The following TENM4 variants were observed in gnomAD, a reference collection of about 807,000 sequenced individuals.
TENM4 encodes teneurin-4.
In TENM4, 82 loss-of-function variants were observed where a neutral mutation model predicts 243.3. That is an observed-to-expected ratio of 0.34 (90% CI 0.28 to 0.40). The LOEUF is 0.40. Ranked by LOEUF, TENM4 falls within the 10% of genes least tolerant of loss-of-function variation. The probability of loss-of-function intolerance (pLI) is 1.00; values close to 1 mark genes in which losing one functional copy is unlikely to be tolerated. For synonymous variants in TENM4, 1,412 were observed against 1,456.3 expected, an observed-to-expected ratio of 0.97 and a Z score of 0.69; for missense variants, 3,138 against 3,673.3, an observed-to-expected ratio of 0.85 and a Z score of 3.77.
intron 15 of TENM4, among the ~76,000 whole-genome samples, chr11:78,797,533 A>G (rs182203045): frequency 1.9e-4 from 29 of 152,352 alleles, no homozygotes; most frequent in African/African-American, 6.0e-4. Context: ...GTCAGGGGAA[A>G]TTCTACTAAA....
chr11:79,397,865 T>C (rs1231438077), intron 1 of TENM4, among the ~76,000 whole-genome samples: 1 of 152,102 alleles, frequency 6.6e-6, no homozygotes, highest in Non-Finnish European at 1.5e-5. Context: ...TACTGTCAAA[T>C]AGAGGTTGCA....
intron 12 of TENM4, 31 bp downstream of exon 12, chr11:78,854,073 C>T: frequency 6.5e-7 from 1 of 1,539,344 alleles, no homozygotes; most frequent in Non-Finnish European, 8.8e-7. Context: ...AGACAATATC[C>T]CACAGCCCCC....
At position 79,001,521 on chromosome 11, in the gene TENM4, G is replaced by T. The variant is rs796113982; in HGVS notation, c.493+63217C>A. Among the ~76,000 whole-genome samples, 131 of 152,264 alleles carry T rather than the reference G, an allele frequency of 8.6e-4. 1 individual carries two copies. The highest frequency in any genetic ancestry group is 2.7e-3 in the African/African-American group (112 of 41,558). ...AACACTTGAGCTGTCAAGGAGAGAT[G>T]CTTATAGAGGTTGTAGGAGCAGGGC... On this transcript the variant is annotated intron_variant, in intron 6 of 33. Coordinates refer to ENST00000278550, the MANE Select transcript of TENM4 (RefSeq NM_001098816.3).
intron 6 of TENM4, among the ~76,000 whole-genome samples, chr11:79,008,663 T>C (rs1370655535): frequency 1.3e-5 from 2 of 152,198 alleles, no homozygotes; most frequent in African/African-American, 2.4e-5. Context: ...TACTGTGGGA[T>C]ATGGAGCTGG....
intron 1 of TENM4, among the ~76,000 whole-genome samples, chr11:79,431,584 C>T (rs1030264945): frequency 6.6e-6 from 1 of 152,174 alleles, no homozygotes; most frequent in Admixed American, 6.5e-5. Flanking sequence ...AAGGAGAGTA[C>T]CTGTCTCCCA....
intron 17 of TENM4, among the ~76,000 whole-genome samples, chr11:78,772,244 G>A (rs1436585557): frequency 1.3e-5 from 2 of 152,092 alleles, no homozygotes; most frequent in Admixed American, 6.5e-5. Flanking sequence ...AAACCTCTCC[G>A]AGTTTGTGGC....
chr11:79,282,475 T>C (rs1386196039), intron 2 of TENM4, among the ~76,000 whole-genome samples: 4 of 152,246 alleles, frequency 2.6e-5, no homozygotes, highest in African/African-American at 4.8e-5. Flanking sequence ...ATCATTATCT[T>C]TACTGCAGAG....
intron 1 of TENM4, among the ~76,000 whole-genome samples, chr11:79,307,556 C>A (rs1371531610): frequency 1.3e-5 from 2 of 152,198 alleles, no homozygotes; most frequent in African/African-American, 2.4e-5. Context: ...TGAGCTTCCA[C>A]AATGGCCTCC....
chr11:79,046,543 G>A (rs935339131), intron 6 of TENM4, among the ~76,000 whole-genome samples: 2 of 152,160 alleles, frequency 1.3e-5, no homozygotes, highest in African/African-American at 4.8e-5. Context: ...AATTAGTTAA[G>A]ATGAGGTCAT....
At chr11:79,401,076 C>G (rs1858450933) in intron 1 of TENM4, among the ~76,000 whole-genome samples, 1 of 152,186 alleles carries the variant, frequency 6.6e-6, no homozygotes, top group Non-Finnish European at 1.5e-5. Context: ...ACAGTAGATT[C>G]AAAAGCTTAA....
intron 16 of TENM4, among the ~76,000 whole-genome samples, chr11:78,785,061 T>G (rs1217169108): frequency 6.6e-6 from 1 of 151,602 alleles, no homozygotes. Flanking sequence ...TTTTGTTTTT[T>G]TTTTTTGTTT....
intron 12 of TENM4, among the ~76,000 whole-genome samples, chr11:78,836,992 C>T (rs1404891796): frequency 1.3e-5 from 2 of 152,120 alleles, no homozygotes; most frequent in Non-Finnish European, 2.9e-5. Flanking sequence ...CTTTTCTGGT[C>T]CTTTACATTT....
At chr11:79,146,951 G>T (rs961435184) in intron 4 of TENM4, among the ~76,000 whole-genome samples, 1 of 152,100 alleles carries the variant, frequency 6.6e-6, no homozygotes, top group Admixed American at 6.5e-5. Flanking sequence ...ACCTCCAAAG[G>T]GTCAAAGATT....
At chr11:79,146,231 A>T (rs1217136929) in intron 4 of TENM4, among the ~76,000 whole-genome samples, 1 of 152,158 alleles carries the variant, frequency 6.6e-6, no homozygotes, top group African/African-American at 2.4e-5. Context: ...AATAGCCCAG[A>T]AAGGGGCATT....
intron 10 of TENM4, among the ~76,000 whole-genome samples, chr11:78,858,992 C>T (rs1426754633): frequency 6.6e-6 from 1 of 151,964 alleles, no homozygotes; most frequent in Non-Finnish European, 1.5e-5. Flanking sequence ...TTTTGGGATC[C>T]ATCTTTATTT....
chr11:78,926,557 C>T (rs1209505079), intron 6 of TENM4, among the ~76,000 whole-genome samples: 1 of 152,048 alleles, frequency 6.6e-6, no homozygotes, highest in Non-Finnish European at 1.5e-5. Context: ...CAGGCATGAA[C>T]CACTATGCCT....
chr11:78,722,636 AG>A, intron 24 of TENM4, 31 bp downstream of exon 24: 16 of 1,598,650 alleles, frequency 1.0e-5, no homozygotes, highest in Non-Finnish European at 1.4e-5. Context: ...GCATATTATT[AG>A]GAACTATGAA....
intron 12 of TENM4, among the ~76,000 whole-genome samples, chr11:78,850,493 C>T (rs1330714793): frequency 6.6e-6 from 1 of 152,122 alleles, no homozygotes; most frequent in East Asian, 1.9e-4. Flanking sequence ...ATTAACCTGC[C>T]AAGACAAATT....
At position 78,760,178 on chromosome 11, in the gene TENM4, C is replaced by T. The variant is rs149177231; in HGVS notation, c.2540-3157G>A. Among the ~76,000 whole-genome samples, 772 of 152,326 alleles carry T rather than the reference C, an allele frequency of 5.1e-3. 12 individuals carry two copies. The highest frequency in any genetic ancestry group is 0.018 in the African/African-American group (740 of 41,574). ...GACCTGGGCAGGAACAGTGACTGTA[C>T]TCCACAGAGGTTTGAGGGATGAATA... On this transcript the variant is annotated intron_variant, in intron 18 of 33. Coordinates refer to ENST00000278550, the MANE Select transcript of TENM4 (RefSeq NM_001098816.3).
Sources: gnomAD v4.1 joint callset for allele counts (sites outside exome capture counted in the v4.1 genomes callset) on GRCh38, gnomAD v4.1.1 for gene constraint, MANE v1.5 for transcripts, NCBI Gene and HGNC (gene_info 2026-07-23, HGNC 2026-07-21) for gene names.